The following SMARCA4 variants were observed in gnomAD, a reference collection of about 807,000 sequenced individuals.
SMARCA4 encodes SWI/SNF-related matrix-associated actin-dependent regulator of chromatin subfamily A member 4.
Under a neutral mutation model 193.9 loss-of-function variants are expected in SMARCA4, and 31 were observed. The observed-to-expected ratio is 0.16, with a 90% CI of 0.12 to 0.22. The LOEUF (loss-of-function observed/expected upper bound fraction) is 0.22, where lower values mean the gene tolerates loss of function less well. Ranked by LOEUF, SMARCA4 falls within the 10% of genes least tolerant of loss-of-function variation. The pLI is 1.00. For synonymous variants in SMARCA4, 942 were observed against 933.1 expected (o/e 1.01, Z -0.17); for missense variants, 1,148 against 2,296.0 (o/e 0.50, Z 10.22).
chr19:10,966,843 G>A (rs899282146), intron 1 of SMARCA4, among the ~76,000 whole-genome samples: 4 of 151,016 alleles, frequency 2.6e-5, no homozygotes, highest in African/African-American at 4.9e-5. Context: ...AGCCGAGATC[G>A]TGCCGCTGCA....
In SMARCA4 at chr19:11,031,226, T is replaced by C; in HGVS notation, c.3546+333T>C. On this transcript the variant is annotated intron_variant, in intron 25 of 34. Coordinates refer to ENST00000344626, the MANE Select transcript of SMARCA4 (RefSeq NM_003072.5). This position sits in a 1 kb window ranked among gnomAD's most constrained non-coding sequence, Gnocchi z 4.3. ...TGCGCCGTCACTGTGGGGCGGCCCCTGCAGTGTGCCCTGTGAGCACACACA... is the reference window on the plus strand; with the variant it reads ...TGCGCCGTCACTGTGGGGCGGCCCCCGCAGTGTGCCCTGTGAGCACACACA... 1 of 383,980 alleles carries C rather than the reference T, an allele frequency of 2.6e-6. No homozygotes were observed. 23.8% of individuals were successfully genotyped at this position (383,980 alleles called of 1,614,324 possible). A position where few individuals can be genotyped will look rare whatever the true frequency, so the allele number is the denominator to read the frequency against.
Position 10,987,371 on chromosome 19 carries a change from A to G in SMARCA4, c.860-295A>G, listed in dbSNP as rs1484204607. 6.6e-6 allele frequency among the ~76,000 whole-genome samples: 1 copy of G among 152,196 alleles called. No homozygotes were observed. Among genetic ancestry groups the G allele is most frequent in the East Asian group, 1.9e-4 (1 of 5,190 alleles). On this transcript the variant is annotated intron_variant, in intron 5 of 34. Coordinates refer to ENST00000344626, the MANE Select transcript of SMARCA4 (RefSeq NM_003072.5). The surrounding 1 kb of genome is among the most constrained non-coding windows in gnomAD (Gnocchi z 5.3). ...GGGGCAAATTGCTTCCACTGGATTT[A>G]GTTGGCACTAGGAGGAGATGACAGG...
intron 25 of SMARCA4, chr19:11,032,985 C>T (rs568686295): frequency 2.7e-4 from 127 of 477,804 alleles, no homozygotes; most frequent in Non-Finnish European, 4.2e-4. Flanking sequence ...GCCGCTGCCA[C>T]GGGAGCTGCT....
At chr19:11,026,569 G>A (rs1252759119) in intron 23 of SMARCA4, among the ~76,000 whole-genome samples, 2 of 145,552 alleles carry the variant, frequency 1.4e-5, no homozygotes, top group South Asian at 2.2e-4. Flanking sequence ...ACACAATCTC[G>A]GCTCACTGCA....
rs749349816 is a variant in SMARCA4, at chr19:11,010,434, G to A, written c.2177G>A (p.Arg726His). 6.8e-6 allele frequency: 11 copies of A among 1,613,744 alleles called. No homozygotes were observed. The highest frequency in any genetic ancestry group is 5.0e-5 in the Admixed American group (3 of 59,998). The change falls in exon 15 of 35, where the codon CGT becomes CAT. Residue 726 changes from arginine to histidine, a missense_variant. Arg to His is a conservative substitution (Grantham distance 29). This residue lies in a region of SMARCA4 where 6 missense variants were observed against 45.7 expected (regional missense o/e 0.13). Transcript: ENST00000344626. ...DEYGVSQALA[R>H]GLQSYYAVAH... ...TATGGCGTGTCCCAGGCCCTTGCAC[G>A]TGGCCTGCAGTCCTACTATGCCGTG...
chr19:11,056,724 G>A (rs1438246794), intron 30 of SMARCA4, among the ~76,000 whole-genome samples: 2 of 152,196 alleles, frequency 1.3e-5, no homozygotes, highest in African/African-American at 2.4e-5. Flanking sequence ...AGGCTCTCAT[G>A]TTAGAAGCTG....
At chr19:10,997,837 T>C (rs910860433) in intron 11 of SMARCA4, among the ~76,000 whole-genome samples, 2 of 152,274 alleles carry the variant, frequency 1.3e-5, no homozygotes, top group Admixed American at 6.5e-5. Flanking sequence ...CTCCATGTAA[T>C]TCATTATCTA....
intron 23 of SMARCA4, among the ~76,000 whole-genome samples, chr19:11,026,618 G>C (rs2090281742): frequency 6.7e-6 from 1 of 150,364 alleles, no homozygotes; most frequent in African/African-American, 2.5e-5. Flanking sequence ...TCCTGCCTCA[G>C]CCTCCCGAGT....
intron 11 of SMARCA4, among the ~76,000 whole-genome samples, chr19:11,001,300 C>T (rs1254063296): frequency 6.6e-6 from 1 of 152,086 alleles, no homozygotes; most frequent in Admixed American, 6.6e-5. Flanking sequence ...GAGACTCTGT[C>T]TCTCCAAAAA....
In SMARCA4 at chr19:11,039,654, A is replaced by G. The variant is rs1306157935; in HGVS notation, c.4171-1653A>G. 3 of 543,576 alleles carry G rather than the reference A, an allele frequency of 5.5e-6. No individual in the cohort carries two copies. The African/African-American group carries it at 6.0e-5, about 11-fold the overall frequency. The allele number at this position is 543,576 out of a possible 1,614,324, so 33.7% of individuals were successfully genotyped here. A position where few individuals can be genotyped will look rare whatever the true frequency, so the allele number is the denominator to read the frequency against. ...GTACTAAAACATGGCTGCTTTGGTA[A>G]ATTTTATGTTATATATGATTTATAA... is the stretch of plus-strand genomic sequence containing the variant. On this transcript the variant is annotated intron_variant, in intron 29 of 34. Coordinates refer to ENST00000344626, the MANE Select transcript of SMARCA4 (RefSeq NM_003072.5).
chr19:10,990,184 C>T (rs934060631), intron 7 of SMARCA4, among the ~76,000 whole-genome samples: 1 of 150,352 alleles, frequency 6.7e-6, no homozygotes, highest in Admixed American at 6.6e-5. Flanking sequence ...AACAGAGTCT[C>T]ACTCTGTCAC....
intron 9 of SMARCA4, chr19:10,995,300 A>C (rs2086925279): frequency 1.7e-6 from 1 of 572,938 alleles, no homozygotes; most frequent in African/African-American, 1.8e-5. Context: ...GGTGTGATCC[A>C]GACCCCCGAC....
Position 10,987,176 on chromosome 19 carries a change from A to G in SMARCA4, c.859+173A>G, listed in dbSNP as rs995380033. On this transcript the variant is annotated intron_variant, in intron 5 of 34. Transcript: ENST00000344626. This position sits in a 1 kb window ranked among gnomAD's most constrained non-coding sequence, Gnocchi z 5.3. ...CTCCCCTGTAGCCAGTCAGTTCCCA[A>G]AGGCTGTCGTTCATCCCTCCTCTGA... Among the ~76,000 whole-genome samples the G allele has an allele frequency of 3.3e-5, 5 of 152,098 alleles. No individual in the cohort carries two copies. The highest frequency in any genetic ancestry group is 7.2e-5 in the African/African-American group (3 of 41,392).
intron 34 of SMARCA4, chr19:11,060,572 T>G (rs1331334054): frequency 2.8e-6 from 1 of 351,432 alleles, no homozygotes; most frequent in Non-Finnish European, 5.5e-6. Flanking sequence ...CCCCGTCTCC[T>G]CAGTGGCATA....
intron 1 of SMARCA4, 124 bp from the exon 2 acceptor site, chr19:10,983,997 G>T (rs2085786589): frequency 1.8e-5 from 13 of 725,998 alleles, no homozygotes; most frequent in Non-Finnish European, 2.9e-5. Context: ...TGGGTGGCTG[G>T]TGGGGAAGGT....
At chr19:11,052,445 AG>A (rs1034067585) in intron 30 of SMARCA4, among the ~76,000 whole-genome samples, 2 of 152,088 alleles carry the variant, frequency 1.3e-5, no homozygotes, top group African/African-American at 4.8e-5. Context: ...GTGGGGCTCC[AG>A]GGGGTGTGAA....
chr19:10,977,333 GT>G (rs940959635), intron 1 of SMARCA4, among the ~76,000 whole-genome samples: 2 of 151,172 alleles, frequency 1.3e-5, no homozygotes, highest in East Asian at 3.9e-4. Flanking sequence ...TTTTGTTTTT[GT>G]TTTTTTTGAG....
chr19:11,038,620 G>A (rs1270687011), intron 29 of SMARCA4, among the ~76,000 whole-genome samples: 1 of 152,174 alleles, frequency 6.6e-6, no homozygotes, highest in African/African-American at 2.4e-5. Flanking sequence ...CTTGTGGGGT[G>A]TTGCTGTCTG....
intron 1 of SMARCA4, 139 bp from the exon 2 acceptor site, chr19:10,983,982 C>T (rs1046190378): frequency 2.0e-5 from 14 of 688,632 alleles, no homozygotes; most frequent in Non-Finnish European, 3.7e-5. Context: ...CATGGAGAAA[C>T]GGTTTGGGTG....
Sources: gnomAD v4.1 joint callset for allele counts (sites outside exome capture counted in the v4.1 genomes callset) on GRCh38, gnomAD v4.1.1 for gene constraint, gnomAD v4.1.1 regional missense constraint, Gnocchi (gnomAD v3.1) non-coding constraint, MANE v1.5 for transcripts, NCBI Gene and HGNC (gene_info 2026-07-23, HGNC 2026-07-21) for gene names.